RELN: variants seen among roughly 807,000 people sequenced by gnomAD.
The protein encoded by RELN is reelin.
Under a neutral mutation model 427.6 loss-of-function variants are expected in RELN, and 108 were observed. The observed-to-expected ratio is 0.25, with a 90% CI of 0.22 to 0.30. The LOEUF is 0.30. Among genes scored for constraint, RELN ranks in the 10% least tolerant of loss-of-function variants. The probability of loss-of-function intolerance (pLI) is 1.00; values close to 1 mark genes in which losing one functional copy is unlikely to be tolerated. For synonymous variants in RELN, 1,524 were observed against 1,513.4 expected (o/e 1.01, Z -0.16); for missense variants, 3,715 against 4,302.8 (o/e 0.86, Z 3.82).
chr7:103,934,322 G>A (rs1795932372), intron 1 of RELN, among the ~76,000 whole-genome samples: 1 of 152,116 alleles, frequency 6.6e-6, no homozygotes, highest in Non-Finnish European at 1.5e-5. Context: ...CATATTCAAT[G>A]AGAATTGCAT....
chr7:103,492,219 A>G (rs896018517), intron 57 of RELN, among the ~76,000 whole-genome samples, 193 bp from the exon 58 acceptor site: 1 of 152,196 alleles, frequency 6.6e-6, no homozygotes, highest in Admixed American at 6.5e-5. Context: ...CATGGAGATA[A>G]AAATAAAGGT....
intron 1 of RELN, among the ~76,000 whole-genome samples, chr7:103,948,081 A>G (rs1796255911): frequency 6.6e-6 from 1 of 152,228 alleles, no homozygotes; most frequent in African/African-American, 2.4e-5. Flanking sequence ...ACACAAAGGC[A>G]TAAACAAGCA....
chr7:103,717,076 G>T (rs1789956584), intron 8 of RELN, among the ~76,000 whole-genome samples: 1 of 152,042 alleles, frequency 6.6e-6, no homozygotes, highest in Non-Finnish European at 1.5e-5. Flanking sequence ...AAAAGAGAAA[G>T]GGGATAATAC....
chr7:103,914,087 C>G (rs150953623), intron 2 of RELN, among the ~76,000 whole-genome samples: 1 of 152,238 alleles, frequency 6.6e-6, no homozygotes, highest in East Asian at 1.9e-4. Context: ...TATTCTAATT[C>G]AAGTACAAAT....
chr7:103,908,142 T>G (rs926042719), intron 2 of RELN, among the ~76,000 whole-genome samples: 3 of 152,060 alleles, frequency 2.0e-5, no homozygotes, highest in Non-Finnish European at 1.5e-5. Flanking sequence ...ACCTATACAC[T>G]GGGGGTGGCG....
At chr7:103,715,147 T>C (rs745517505) in intron 8 of RELN, among the ~76,000 whole-genome samples, 2 of 152,144 alleles carry the variant, frequency 1.3e-5, no homozygotes, top group Admixed American at 6.5e-5. Context: ...CGAGAAAACA[T>C]ATTTCAAGGA....
intron 5 of RELN, 151 bp downstream of exon 5, chr7:103,753,031 T>A: frequency 1.3e-6 from 1 of 775,762 alleles, no homozygotes; most frequent in South Asian, 1.5e-5. Flanking sequence ...TGTGTTCAAG[T>A]ATAATCCGTA....
At chr7:103,793,631 A>G (rs1038896924) in intron 3 of RELN, among the ~76,000 whole-genome samples, 2 of 152,208 alleles carry the variant, frequency 1.3e-5, no homozygotes, top group African/African-American at 4.8e-5. Flanking sequence ...CTAATAAGAA[A>G]CTTTAGAGGC....
At chr7:103,978,735 T>A (rs565497195) in intron 1 of RELN, among the ~76,000 whole-genome samples, 22 of 152,370 alleles carry the variant, frequency 1.4e-4, no homozygotes, top group Admixed American at 3.3e-4. Flanking sequence ...AACTCTTCAT[T>A]TATTGGAGTT....
At chr7:103,710,030 C>A (rs1043518472) in intron 8 of RELN, among the ~76,000 whole-genome samples, 1 of 152,142 alleles carries the variant, frequency 6.6e-6, no homozygotes, top group African/African-American at 2.4e-5. Context: ...AGAATGTGAA[C>A]GTATATTTAT....
intron 1 of RELN, among the ~76,000 whole-genome samples, chr7:103,924,669 T>C (rs1795686432): frequency 6.6e-6 from 1 of 152,134 alleles, no homozygotes; most frequent in Non-Finnish European, 1.5e-5. Context: ...ATATACTTAT[T>C]ACTGATTCAG....
intron 2 of RELN, among the ~76,000 whole-genome samples, chr7:103,903,140 T>A (rs558752707): frequency 6.6e-6 from 1 of 152,182 alleles, no homozygotes; most frequent in South Asian, 2.1e-4. Context: ...AGAGTCAACC[T>A]TTGAAGTTTA....
At chr7:103,972,973 T>C (rs1034611625) in intron 1 of RELN, among the ~76,000 whole-genome samples, 1 of 151,266 alleles carries the variant, frequency 6.6e-6, no homozygotes, top group Non-Finnish European at 1.5e-5. Flanking sequence ...AGAGGTACCA[T>C]CAGCAAGAAT....
intron 8 of RELN, among the ~76,000 whole-genome samples, chr7:103,722,017 A>C (rs1246694866): frequency 6.6e-6 from 1 of 152,218 alleles, no homozygotes; most frequent in Non-Finnish European, 1.5e-5. Context: ...TTCATCAAAA[A>C]AACCATTATT....
intron 2 of RELN, 54 bp downstream of exon 2, chr7:103,917,020 AG>A: frequency 8.2e-7 from 1 of 1,212,356 alleles, no homozygotes; most frequent in Non-Finnish European, 1.2e-6. Context: ...TTAAAACATA[AG>A]ACCTATGACT....
chr7:103,534,418 G>A (rs566383266), intron 46 of RELN, among the ~76,000 whole-genome samples: 1 of 152,310 alleles, frequency 6.6e-6, no homozygotes, highest in African/African-American at 2.4e-5. Context: ...TCAAACAGGA[G>A]TGGAAATGCA....
intron 41 of RELN, among the ~76,000 whole-genome samples, chr7:103,547,785 T>C (rs1306277485): frequency 6.6e-6 from 1 of 152,190 alleles, no homozygotes; most frequent in African/African-American, 2.4e-5. Context: ...TTTTTGAACT[T>C]CTTATTTATT....
rs563919827 is a variant in RELN, at chr7:103,799,138, T to C, written c.474-22511A>G. Among the ~76,000 whole-genome samples the C allele has an allele frequency of 2.6e-4, 39 of 152,300 alleles. No individual in the cohort carries two copies. The South Asian group carries it at 7.7e-3, about 30-fold the overall frequency. On this transcript the variant is annotated intron_variant, in intron 3 of 64. Transcript: ENST00000428762. ...CATGAAGTTACAACCTTACTAGTAA[T>C]ATTGAATTGAAATGGTGCCAAAATT... is the stretch of plus-strand genomic sequence containing the variant.
chr7:103,625,729 GA>G (rs138038068), intron 20 of RELN, among the ~76,000 whole-genome samples: 4,328 of 147,836 alleles, frequency 0.029, 149 homozygotes, highest in East Asian at 0.15. Flanking sequence ...AACATGCAAA[GA>G]AAAAAAAACC....
Sources: gnomAD v4.1 joint callset for allele counts (sites outside exome capture counted in the v4.1 genomes callset) on GRCh38, gnomAD v4.1.1 for gene constraint, MANE v1.5 for transcripts, NCBI Gene and HGNC (gene_info 2026-07-23, HGNC 2026-07-21) for gene names.